The following XPNPEP3 variants were observed in gnomAD, a reference collection of about 807,000 sequenced individuals.
The protein encoded by XPNPEP3 is X-prolyl aminopeptidase 3, also known as xaa-Pro aminopeptidase 3.
Under a neutral mutation model 60.0 loss-of-function variants are expected in XPNPEP3, and 41 were observed. The ratio of observed to expected loss-of-function variants is 0.68; its 90% CI spans 0.53 to 0.89. XPNPEP3 has a LOEUF of 0.89. XPNPEP3 is among the 40% of genes least tolerant of loss of function. The pLI, the probability that XPNPEP3 is intolerant of heterozygous loss-of-function variation, is 0.00. For missense variants in XPNPEP3, 598 were observed against 638.9 expected (o/e 0.94, Z 0.69); for synonymous variants, 212 against 223.2 (o/e 0.95, Z 0.45).
At chr22:40,915,525 C>T (rs2058193048) in intron 7 of XPNPEP3, among the ~76,000 whole-genome samples, 1 of 150,468 alleles carries the variant, frequency 6.6e-6, no homozygotes, top group Non-Finnish European at 1.5e-5. Flanking sequence ...GCACTCCAGC[C>T]TGGGTGACAG....
chr22:40,897,113 G>C (rs71325197), intron 4 of XPNPEP3, among the ~76,000 whole-genome samples: 5,000 of 149,452 alleles, frequency 0.033, 122 homozygotes, highest in Non-Finnish European at 0.055. Flanking sequence ...CTCACTGCAG[G>C]CTCCGCCGGG....
intron 4 of XPNPEP3, among the ~76,000 whole-genome samples, chr22:40,896,363 A>G (rs1436322620): frequency 1.3e-5 from 2 of 152,056 alleles, no homozygotes; most frequent in Non-Finnish European, 2.9e-5. Flanking sequence ...GGTGAGATGC[A>G]TATAAAATTT....
At chr22:40,897,664 T>C (rs1038307801) in intron 4 of XPNPEP3, among the ~76,000 whole-genome samples, 1 of 152,088 alleles carries the variant, frequency 6.6e-6, no homozygotes, top group Non-Finnish European at 1.5e-5. Context: ...CACCATATAG[T>C]TTTCCACAGC....
chr22:40,911,882 A>T (rs1349878271), intron 6 of XPNPEP3, among the ~76,000 whole-genome samples: 1 of 152,242 alleles, frequency 6.6e-6, no homozygotes, highest in East Asian at 1.9e-4. Flanking sequence ...AGTGTGGTTC[A>T]TGAAGTTAAA....
chr22:40,880,303 TC>T (rs1306530127), intron 2 of XPNPEP3, among the ~76,000 whole-genome samples: 2 of 151,860 alleles, frequency 1.3e-5, no homozygotes, highest in African/African-American at 4.8e-5. Context: ...CATGGAGGCA[TC>T]AAGCAGAATG....
intron 7 of XPNPEP3, 147 bp downstream of exon 7, chr22:40,914,471 C>T (rs1201211226): frequency 1.6e-6 from 1 of 637,190 alleles, no homozygotes; most frequent in Non-Finnish European, 2.9e-6. Flanking sequence ...TTTTCTAAGA[C>T]TGTTTTGTTC....
At chr22:40,884,647 T>C (rs913494600) in intron 3 of XPNPEP3, among the ~76,000 whole-genome samples, 1 of 151,912 alleles carries the variant, frequency 6.6e-6, no homozygotes, top group Non-Finnish European at 1.5e-5. Flanking sequence ...ATCATATTTA[T>C]TGAAAGGTTT....
chr22:40,891,381 G>A (rs1318508902), intron 4 of XPNPEP3, among the ~76,000 whole-genome samples: 1 of 151,896 alleles, frequency 6.6e-6, no homozygotes, highest in Non-Finnish European at 1.5e-5. Flanking sequence ...TTAGCTGGGC[G>A]TGGTGGCTCA....
chr22:40,901,309 A>T (rs2058131950), intron 4 of XPNPEP3, among the ~76,000 whole-genome samples: 1 of 140,930 alleles, frequency 7.1e-6, no homozygotes, highest in South Asian at 2.1e-4. Context: ...ATCTCTGCTC[A>T]CCGCAACCTC....
At chr22:40,883,224 C>T (rs771403378) in intron 3 of XPNPEP3, among the ~76,000 whole-genome samples, 88 of 152,304 alleles carry the variant, frequency 5.8e-4, no homozygotes, top group South Asian at 2.5e-3. Context: ...TCAGAATCAC[C>T]TGGTAATGCA....
At chr22:40,888,774 A>G (rs1351182112) in intron 4 of XPNPEP3, among the ~76,000 whole-genome samples, 1 of 152,074 alleles carries the variant, frequency 6.6e-6, no homozygotes, top group Non-Finnish European at 1.5e-5. Context: ...TTTTATGTTT[A>G]ATATTTTGAG....
chr22:40,922,325 G>A lies in XPNPEP3; in HGVS notation c.1056-8G>A, dbSNP rs192225858. On this transcript the variant is annotated splice_polypyrimidine_tract_variant and splice_region_variant and intron_variant, in intron 7 of 9. Coordinates refer to ENST00000357137, the MANE Select transcript of XPNPEP3 (RefSeq NM_022098.4). ...TAAGTTCAGGTTCTTTGGTTTTCCCGTCCCCAGGTTCACCGCACCTCAGGC... is the reference window on the plus strand; with the variant it reads ...TAAGTTCAGGTTCTTTGGTTTTCCCATCCCCAGGTTCACCGCACCTCAGGC... 3.5e-5 allele frequency: 57 copies of A among 1,613,512 alleles called. No individual in the cohort carries two copies. Among genetic ancestry groups the A allele is most frequent in the African/African-American group, 2.3e-4 (17 of 74,942 alleles).
intron 1 of XPNPEP3, 47 bp from the exon 2 acceptor site, chr22:40,868,952 C>T (rs528401926): frequency 2.1e-5 from 31 of 1,486,646 alleles, no homozygotes; most frequent in Non-Finnish European, 2.7e-5. Flanking sequence ...ACCATGAAGA[C>T]TTTCTAGATC....
At chr22:40,889,029 G>GTTTT (rs946002778) in intron 4 of XPNPEP3, among the ~76,000 whole-genome samples, 4 of 151,092 alleles carry the variant, frequency 2.6e-5, no homozygotes, top group African/African-American at 9.7e-5. Flanking sequence ...GTTTTGTTTT[G>GTTTT]TTTTGTTTTG....
At chr22:40,914,819 T>A in intron 7 of XPNPEP3, among the ~76,000 whole-genome samples, 1 of 152,118 alleles carries the variant, frequency 6.6e-6, no homozygotes, top group South Asian at 2.1e-4. Context: ...TAATCCTCCA[T>A]AGATAATAAT....
chr22:40,894,012 A>G (rs548473609), intron 4 of XPNPEP3, among the ~76,000 whole-genome samples: 5 of 152,266 alleles, frequency 3.3e-5, no homozygotes, highest in South Asian at 2.1e-4. Flanking sequence ...TGGCTCTTCA[A>G]AAGAGGAGGA....
chr22:40,920,636 C>T (rs565593201), intron 7 of XPNPEP3, among the ~76,000 whole-genome samples: 4 of 152,298 alleles, frequency 2.6e-5, no homozygotes, highest in South Asian at 4.1e-4. Flanking sequence ...TCAGCGGCAA[C>T]GTTGAATCCA....
chr22:40,859,980 A>G (rs1021616703), intron 1 of XPNPEP3: 1 of 152,242 alleles, frequency 6.6e-6, no homozygotes, highest in Non-Finnish European at 1.5e-5. Context: ...CCTACCATAC[A>G]GACTGCTCTG....
intron 4 of XPNPEP3, among the ~76,000 whole-genome samples, chr22:40,893,944 G>T (rs959691400): frequency 6.6e-6 from 1 of 152,150 alleles, no homozygotes; most frequent in African/African-American, 2.4e-5. Context: ...CCATTTTGAG[G>T]ACATATGTCA....
Sources: allele counts gnomAD v4.1 joint callset (sites outside exome capture counted in the v4.1 genomes callset), GRCh38; gene constraint gnomAD v4.1.1; transcripts MANE v1.5; gene names NCBI Gene and HGNC (gene_info 2026-07-23, HGNC 2026-07-21).